The following SGCG variants were observed in gnomAD, a reference collection of about 807,000 sequenced individuals.
SGCG encodes the protein gamma-sarcoglycan.
SGCG carries 26 observed loss-of-function variants against 29.3 expected under a neutral mutation model. The observed-to-expected ratio is 0.89, with a 90% CI of 0.65 to 1.23. The LOEUF (loss-of-function observed/expected upper bound fraction) is 1.23. Ranked by LOEUF, SGCG falls within the 50% of genes most tolerant of loss-of-function variation. SGCG has a pLI of 0.00. For synonymous variants in SGCG, 145 were observed against 129.7 expected, an observed-to-expected ratio of 1.12 and a Z score of -0.80; for missense variants, 353 against 356.0, an observed-to-expected ratio of 0.99 and a Z score of 0.07.
In SGCG at chr13:23,308,040, T is replaced by C. The variant is rs559495491; in HGVS notation, c.578+12553T>C. On this transcript the variant is annotated intron_variant, in intron 6 of 7. Coordinates refer to ENST00000218867, the MANE Select transcript of SGCG (RefSeq NM_000231.3). ...TGTTGTGGTCAAGTCTAACAAGAAG[T>C]GGATTGCTGAAGATCGTGAATGCTT... is the stretch of plus-strand genomic sequence containing the variant. Among the ~76,000 whole-genome samples, 5 of 152,312 alleles carry C rather than the reference T, an allele frequency of 3.3e-5. No individual in the cohort carries two copies. In the East Asian group the frequency reaches 9.6e-4, roughly 29 times the overall value.
intron 1 of SGCG, among the ~76,000 whole-genome samples, chr13:23,185,344 A>G (rs1299019841): frequency 6.6e-6 from 1 of 152,150 alleles, no homozygotes; most frequent in Non-Finnish European, 1.5e-5. Flanking sequence ...GGCACCTGCC[A>G]CCATGCCTGG....
At chr13:23,179,520 A>T (rs2137461911), upstream of SGCG, among the ~76,000 whole-genome samples, 1 of 152,352 alleles carries the variant, frequency 6.6e-6, no homozygotes, top group South Asian at 2.1e-4. Context: ...TCAGACTTTG[A>T]CTTTTCAGAC....
the SGCG span, among the ~76,000 whole-genome samples, chr13:23,174,018 A>G: frequency 6.6e-6 from 1 of 152,234 alleles, no homozygotes; most frequent in African/African-American, 2.4e-5. Context: ...TCTATGCTAA[A>G]TGAAATGAAT....
At chr13:23,304,778 A>C (rs1191164554) in intron 6 of SGCG, among the ~76,000 whole-genome samples, 1 of 151,476 alleles carries the variant, frequency 6.6e-6, no homozygotes, top group Non-Finnish European at 1.5e-5. Flanking sequence ...TAATTTTTGT[A>C]TTTTGTTTGT....
At chr13:23,212,253 A>C (rs774319237) in intron 2 of SGCG, among the ~76,000 whole-genome samples, 2 of 152,154 alleles carry the variant, frequency 1.3e-5, no homozygotes, top group Admixed American at 6.5e-5. Flanking sequence ...GCAATGCGAG[A>C]ATGGACTAAT....
At chr13:23,262,252 T>C (rs1880469370) in intron 4 of SGCG, among the ~76,000 whole-genome samples, 1 of 152,016 alleles carries the variant, frequency 6.6e-6, no homozygotes, top group African/African-American at 2.4e-5. Context: ...AAATATCTGC[T>C]GTTTTCAGCA....
intron 2 of SGCG, among the ~76,000 whole-genome samples, chr13:23,211,716 G>T (rs187929528): frequency 6.6e-6 from 1 of 152,208 alleles, no homozygotes; most frequent in Non-Finnish European, 1.5e-5. Context: ...TACCTCTGCA[G>T]TCTTGTTCTA....
At chr13:23,284,924 T>C (rs986629805) in intron 5 of SGCG, among the ~76,000 whole-genome samples, 2 of 152,202 alleles carry the variant, frequency 1.3e-5, no homozygotes, top group Non-Finnish European at 2.9e-5. Context: ...TTTGCCTGGA[T>C]ATCACCAGTG....
intron 2 of SGCG, among the ~76,000 whole-genome samples, chr13:23,207,994 T>A (rs922196014): frequency 6.6e-6 from 1 of 151,876 alleles, no homozygotes; most frequent in Non-Finnish European, 1.5e-5. Flanking sequence ...ATTATTTTCA[T>A]ATATAAACCA....
At chr13:23,248,997 G>GAAAAAA (rs147956071) in intron 3 of SGCG, among the ~76,000 whole-genome samples, 317 of 111,986 alleles carry the variant, frequency 2.8e-3, no homozygotes, top group African/African-American at 3.8e-3. Context: ...TCACAGAAAA[G>GAAAAAA]AAAAAAAAAA....
At chr13:23,261,053 T>C (rs988609221) in intron 4 of SGCG, among the ~76,000 whole-genome samples, 3 of 152,106 alleles carry the variant, frequency 2.0e-5, no homozygotes, top group African/African-American at 7.2e-5. Flanking sequence ...TGTGGTGTTC[T>C]TTGTATTTCC....
At chr13:23,170,354 G>C in the SGCG span, among the ~76,000 whole-genome samples, 2 of 152,042 alleles carry the variant, frequency 1.3e-5, no homozygotes, top group African/African-American at 4.8e-5. Context: ...AGCTTAGTGA[G>C]GGTAGTATAC....
At chr13:23,298,023 G>A (rs1040865170) in intron 6 of SGCG, among the ~76,000 whole-genome samples, 1 of 151,518 alleles carries the variant, frequency 6.6e-6, no homozygotes, top group Non-Finnish European at 1.5e-5. Context: ...GGGATTACAG[G>A]CATGAGCCAC....
intron 2 of SGCG, among the ~76,000 whole-genome samples, chr13:23,211,396 C>T (rs1878205181): frequency 6.6e-6 from 1 of 152,096 alleles, no homozygotes; most frequent in Non-Finnish European, 1.5e-5. Context: ...CTTAAGTAAT[C>T]TCATGTTGAT....
At chr13:23,165,828 G>A in the SGCG span, among the ~76,000 whole-genome samples, 1 of 151,842 alleles carries the variant, frequency 6.6e-6, no homozygotes, top group African/African-American at 2.4e-5. Flanking sequence ...TGCCCAGCCT[G>A]TTTCAAATTC....
Position 23,324,459 on chromosome 13 carries a change from G to C in SGCG, c.794G>C (p.Cys265Ser). The stretch of plus-strand genomic sequence containing the variant: ...AGCTCACAGAGCCTCTACGAAATCT[G>C]TGTGTGTCCAGATGGGAAGCTGTAC... Reference protein sequence around the residue: ...SGSSQSLYEICVCPDGKLYLS... With the variant: ...SGSSQSLYEISVCPDGKLYLS... Residue 265 changes from cysteine to serine, a missense_variant, in exon 8 of 8, where the codon TGT (cysteine) becomes TCT (serine). Cys to Ser is a moderately radical substitution (Grantham distance 112). Coordinates refer to ENST00000218867, the MANE Select transcript of SGCG (RefSeq NM_000231.3). 1 of 1,614,068 alleles carries C rather than the reference G, an allele frequency of 6.2e-7. No homozygotes were observed. The highest frequency in any genetic ancestry group is 8.5e-7 in the Non-Finnish European group (1 of 1,180,034).
chr13:23,251,998 T>C (rs1317495082), intron 4 of SGCG, among the ~76,000 whole-genome samples: 2 of 152,234 alleles, frequency 1.3e-5, no homozygotes, highest in African/African-American at 2.4e-5. Context: ...CTGTACTTTA[T>C]CCTCTGCTTT....
intron 1 of SGCG, among the ~76,000 whole-genome samples, chr13:23,182,539 A>T (rs1052297807): frequency 6.6e-6 from 1 of 151,910 alleles, no homozygotes; most frequent in African/African-American, 2.4e-5. Flanking sequence ...GCAGGGCCAG[A>T]TAGTTCTACG....
chr13:23,270,946 G>A (rs570333739), intron 4 of SGCG, among the ~76,000 whole-genome samples: 1 of 152,218 alleles, frequency 6.6e-6, no homozygotes, highest in African/African-American at 2.4e-5. Flanking sequence ...CTTAGGCCAG[G>A]TGCAGCGGCT....
Sources: gnomAD v4.1 joint callset for allele counts (sites outside exome capture counted in the v4.1 genomes callset) on GRCh38, gnomAD v4.1.1 for gene constraint, MANE v1.5 for transcripts, NCBI Gene and HGNC (gene_info 2026-07-23, HGNC 2026-07-21) for gene names.